Variants in RBFOX1 observed in about 807,000 individuals in gnomAD.
RBFOX1 encodes the protein RNA binding fox-1 homolog 1.
A neutral mutation model predicts 57.7 loss-of-function variants in RBFOX1; 8 were observed. The ratio of observed to expected loss-of-function variants is 0.14; its 90% CI spans 0.08 to 0.25. The LOEUF is 0.25. Ranked by LOEUF, RBFOX1 falls within the 10% of genes least tolerant of loss-of-function variation. RBFOX1 has a pLI of 1.00. For synonymous variants in RBFOX1, 326 were observed against 222.4 expected (o/e 1.47, Z -4.15); for missense variants, 611 against 548.5 (o/e 1.11, Z -1.14).
At chr16:6,530,658 C>T (rs188853134) in intron 2 of RBFOX1, among the ~76,000 whole-genome samples, 1 of 152,048 alleles carries the variant, frequency 6.6e-6, no homozygotes, top group Non-Finnish European at 1.5e-5. Flanking sequence ...GCCTCACAAT[C>T]ATGGTGGAAG....
In RBFOX1 at chr16:6,522,461, C is replaced by T. The variant is rs80087768; in HGVS notation, c.-63-132142C>T. Among the ~76,000 whole-genome samples, 281 of 152,114 alleles carry T rather than the reference C, an allele frequency of 1.8e-3. 5 individuals are homozygous for T. The highest frequency in any genetic ancestry group is 0.016 in the Admixed American group (240 of 15,268). On this transcript the variant is annotated intron_variant, in intron 2 of 15. Transcript: ENST00000550418. ...TTTTTTTGAAAGATATTTATGAAGA[C>T]ATCAACTTCAGTCAATGAAATTAGA...
chr16:7,072,528 C>T (rs2057535805), intron 4 of RBFOX1, among the ~76,000 whole-genome samples: 1 of 152,116 alleles, frequency 6.6e-6, no homozygotes, highest in East Asian at 1.9e-4. Flanking sequence ...TTGCAAATAC[C>T]AGTGGCTATT....
chr16:6,738,787 T>C lies in RBFOX1; in HGVS notation c.-16+84137T>C, dbSNP rs149071138. ...AAGACAGTGAAATCTTGGGGTGTGG[T>C]CTCTGACAACAGTAGAATCAAACTA... On this transcript the variant is annotated intron_variant, in intron 3 of 15. Transcript: ENST00000550418. 2.6e-4 allele frequency among the ~76,000 whole-genome samples: 40 copies of C among 152,180 alleles called. 2 individuals are homozygous for C. In the East Asian group the frequency reaches 7.7e-3, roughly 29 times the overall value.
In RBFOX1 at chr16:5,922,160, C is replaced by T. The variant is rs115427381; in HGVS notation, c.351+54825C>T. On this transcript the variant is annotated intron_variant, in intron 4 of 19. Coordinates refer to the RBFOX1 transcript ENST00000641259. ...TAGGCAACACAGCAAGACCCTGTCT[C>T]GACAAAGAAACAAACCCCCAAACCC... is the stretch of plus-strand genomic sequence containing the variant. Among the ~76,000 whole-genome samples the T allele has an allele frequency of 4.7e-3, 720 of 152,156 alleles. 7 individuals carry two copies. The highest frequency in any genetic ancestry group is 0.017 in the African/African-American group (691 of 41,506).
intron 3 of RBFOX1, among the ~76,000 whole-genome samples, chr16:5,832,265 T>C (rs1433446828): frequency 6.6e-6 from 1 of 152,220 alleles, no homozygotes; most frequent in African/African-American, 2.4e-5. Context: ...GGAGTAAGGC[T>C]GTGGAAGTAG....
At chr16:6,919,721 A>T (rs754156167) in intron 3 of RBFOX1, among the ~76,000 whole-genome samples, 1 of 151,934 alleles carries the variant, frequency 6.6e-6, no homozygotes, top group African/African-American at 2.4e-5. Context: ...TATGTTATAG[A>T]TAAGGAGAAA....
chr16:6,488,786 G>A (rs57756523), intron 2 of RBFOX1, among the ~76,000 whole-genome samples: 3,788 of 152,044 alleles, frequency 0.025, 148 homozygotes, highest in African/African-American at 0.078. Flanking sequence ...GTGTCTTTGC[G>A]AGAGGATGAC....
chr16:6,052,676 C>A (rs1418929776), intron 1 of RBFOX1, among the ~76,000 whole-genome samples: 5 of 151,726 alleles, frequency 3.3e-5, no homozygotes, highest in African/African-American at 1.2e-4. Flanking sequence ...CCCAGCTACT[C>A]GGGAGGCTGA....
intron 2 of RBFOX1, among the ~76,000 whole-genome samples, chr16:6,491,568 A>G (rs1317734305): frequency 6.6e-6 from 1 of 152,208 alleles, no homozygotes; most frequent in Non-Finnish European, 1.5e-5. Flanking sequence ...ATAGAATTGC[A>G]CATCATTATC....
At chr16:5,592,582 A>G (rs1489530639) in intron 2 of RBFOX1, among the ~76,000 whole-genome samples, 1 of 152,036 alleles carries the variant, frequency 6.6e-6, no homozygotes, top group Non-Finnish European at 1.5e-5. Flanking sequence ...ATGCCTGGCT[A>G]ATTTTTGTAT....
At chr16:6,499,502 G>A (rs1282525432) in intron 2 of RBFOX1, among the ~76,000 whole-genome samples, 1 of 152,140 alleles carries the variant, frequency 6.6e-6, no homozygotes. Context: ...ATAAGCACAA[G>A]TAAAGCTTTT....
At chr16:5,483,640 G>A (rs556259350) in intron 2 of RBFOX1, among the ~76,000 whole-genome samples, 36 of 152,226 alleles carry the variant, frequency 2.4e-4, no homozygotes, top group Admixed American at 6.5e-4. Context: ...TTCTAATGCT[G>A]TAGACGGGAT....
chr16:6,482,469 A>C (rs1281278376), intron 2 of RBFOX1, among the ~76,000 whole-genome samples: 2 of 152,242 alleles, frequency 1.3e-5, no homozygotes, highest in African/African-American at 4.8e-5. Flanking sequence ...ACAGCAACAA[A>C]AAAAGTGAAA....
chr16:5,391,902 C>G (rs982265151), intron 1 of RBFOX1, among the ~76,000 whole-genome samples: 1 of 151,182 alleles, frequency 6.6e-6, no homozygotes. Context: ...CACACACACA[C>G]ACACACGCAC....
intron 2 of RBFOX1, among the ~76,000 whole-genome samples, chr16:6,495,419 C>T (rs542209543): frequency 6.8e-6 from 1 of 147,864 alleles, no homozygotes; most frequent in Non-Finnish European, 1.5e-5. Flanking sequence ...GCTTGAGCTT[C>T]CGCGCCTGGC....
At chr16:6,862,950 A>G (rs2059272749) in intron 3 of RBFOX1, among the ~76,000 whole-genome samples, 1 of 150,984 alleles carries the variant, frequency 6.6e-6, no homozygotes, top group Admixed American at 6.6e-5. Context: ...ACGGCACTGC[A>G]CTCCAGCCTG....
At chr16:6,906,515 C>T (rs545146294) in intron 3 of RBFOX1, among the ~76,000 whole-genome samples, 1 of 151,970 alleles carries the variant, frequency 6.6e-6, no homozygotes, top group East Asian at 1.9e-4. Context: ...TTTATATAAC[C>T]GCAATCTAAT....
At chr16:5,670,618 A>G (rs933301161) in intron 3 of RBFOX1, among the ~76,000 whole-genome samples, 1 of 152,226 alleles carries the variant, frequency 6.6e-6, no homozygotes, top group Non-Finnish European at 1.5e-5. Context: ...GTACAGTACT[A>G]ATCCTACACT....
At chr16:6,709,259 A>G (rs2063322444) in intron 3 of RBFOX1, among the ~76,000 whole-genome samples, 2 of 152,162 alleles carry the variant, frequency 1.3e-5, no homozygotes, top group Admixed American at 1.3e-4. Context: ...GAGCGGATGC[A>G]ATTATTTTAA....
Sources: allele counts gnomAD v4.1 joint callset (sites outside exome capture counted in the v4.1 genomes callset), GRCh38; gene constraint gnomAD v4.1.1; transcripts MANE v1.5; gene names NCBI Gene and HGNC (gene_info 2026-07-23, HGNC 2026-07-21).